PTPRR: variants seen among roughly 807,000 people sequenced by gnomAD.
The protein encoded by PTPRR is protein tyrosine phosphatase receptor type R, also known as receptor-type tyrosine-protein phosphatase R.
A neutral mutation model predicts 77.2 loss-of-function variants in PTPRR; 38 were observed. That is an observed-to-expected ratio of 0.49 (90% CI 0.38 to 0.65). The LOEUF is 0.65. PTPRR is among the 30% of genes least tolerant of loss of function. The pLI is 0.00. For synonymous variants in PTPRR, 299 were observed against 283.1 expected, an observed-to-expected ratio of 1.06 and a Z score of -0.57; for missense variants, 744 against 799.2, an observed-to-expected ratio of 0.93 and a Z score of 0.83.
chr12:70,784,087 G>A (rs1250481420), intron 2 of PTPRR, among the ~76,000 whole-genome samples: 2 of 152,150 alleles, frequency 1.3e-5, no homozygotes, highest in Non-Finnish European at 2.9e-5. Context: ...CTGCAGCTGA[G>A]GGCAGAGGGA....
At chr12:70,806,994 T>C (rs1246371772) in intron 2 of PTPRR, among the ~76,000 whole-genome samples, 1 of 152,176 alleles carries the variant, frequency 6.6e-6, no homozygotes, top group African/African-American at 2.4e-5. Context: ...TACAGCTAGG[T>C]GTGGTCACAT....
At chr12:70,825,303 A>T (rs373069962) in intron 2 of PTPRR, among the ~76,000 whole-genome samples, 217 of 152,234 alleles carry the variant, frequency 1.4e-3, no homozygotes, top group Middle Eastern at 6.8e-3. Flanking sequence ...AAAAAATAAA[A>T]AAATAAATAA....
At chr12:70,864,644 C>T (rs774393324) in intron 2 of PTPRR, among the ~76,000 whole-genome samples, 10 of 152,228 alleles carry the variant, frequency 6.6e-5, no homozygotes, top group Admixed American at 3.9e-4. Flanking sequence ...ATAAAGATGA[C>T]GATATGGTTT....
chr12:70,672,182 C>T (rs1313326180), intron 10 of PTPRR: 3 of 1,547,378 alleles, frequency 1.9e-6, no homozygotes, highest in Non-Finnish European at 2.7e-6. Context: ...TGCCCAGTTG[C>T]CAGTCCTACC....
At chr12:70,690,189 A>G (rs911858047) in intron 8 of PTPRR, among the ~76,000 whole-genome samples, 2 of 152,254 alleles carry the variant, frequency 1.3e-5, no homozygotes, top group Non-Finnish European at 1.5e-5. Context: ...CAAAGCTGCC[A>G]TATCAACCCT....
intron 13 of PTPRR, among the ~76,000 whole-genome samples, chr12:70,643,827 C>G (rs1332996567): frequency 6.6e-6 from 1 of 151,688 alleles, no homozygotes; most frequent in Non-Finnish European, 1.5e-5. Flanking sequence ...CTGGCTGGAT[C>G]GTGGCTCACT....
intron 3 of PTPRR, among the ~76,000 whole-genome samples, chr12:70,764,354 T>C (rs10506609): frequency 0.38 from 58,161 of 151,906 alleles, 13,838 homozygotes; most frequent in African/African-American, 0.67. Context: ...CTCTTTCATA[T>C]TTACCACAGG....
intron 13 of PTPRR, among the ~76,000 whole-genome samples, chr12:70,640,199 C>G (rs868476062): frequency 1.3e-5 from 2 of 151,926 alleles, no homozygotes; most frequent in African/African-American, 4.8e-5. Context: ...TTTGAGAAAA[C>G]GTCTCCTTAA....
At chr12:70,769,772 A>G (rs971147713) in intron 2 of PTPRR, among the ~76,000 whole-genome samples, 12 of 152,080 alleles carry the variant, frequency 7.9e-5, no homozygotes, top group African/African-American at 2.7e-4. Flanking sequence ...CTACAAGGCT[A>G]CAGTAAACAA....
intron 2 of PTPRR, 49 bp from the exon 3 acceptor site, chr12:70,764,827 T>C (rs1890777313): frequency 2.2e-6 from 3 of 1,344,422 alleles, no homozygotes; most frequent in South Asian, 1.2e-5. Flanking sequence ...TTAATTTGTA[T>C]AGATGTATAG....
intron 2 of PTPRR, among the ~76,000 whole-genome samples, chr12:70,821,363 T>C (rs1892009143): frequency 6.6e-6 from 1 of 151,440 alleles, no homozygotes; most frequent in Non-Finnish European, 1.5e-5. Flanking sequence ...TAGCTGGGAT[T>C]ACAGGCACAC....
At chr12:70,672,860 G>A (rs755729607) in intron 10 of PTPRR, 42 of 1,559,084 alleles carry the variant, frequency 2.7e-5, no homozygotes, top group Admixed American at 1.0e-4. Context: ...AAGGTGGTGT[G>A]ATGGCTCCTG....
At chr12:70,839,534 T>C (rs899250319) in intron 2 of PTPRR, among the ~76,000 whole-genome samples, 4 of 152,218 alleles carry the variant, frequency 2.6e-5, no homozygotes, top group Non-Finnish European at 5.9e-5. Context: ...TGTAATTGTG[T>C]CAGCATTGGT....
intron 5 of PTPRR, among the ~76,000 whole-genome samples, chr12:70,750,492 G>T (rs1229324141): frequency 6.6e-6 from 1 of 152,090 alleles, no homozygotes; most frequent in Non-Finnish European, 1.5e-5. Flanking sequence ...AGAAATGCAC[G>T]TGAAACACTT....
At chr12:70,896,179 T>C (rs951683961) in intron 1 of PTPRR, among the ~76,000 whole-genome samples, 18 of 151,612 alleles carry the variant, frequency 1.2e-4, no homozygotes, top group African/African-American at 4.1e-4. Flanking sequence ...TACATAAGAA[T>C]ACATAATATT....
At chr12:70,830,677 AAC>A (rs1252945527) in intron 2 of PTPRR, among the ~76,000 whole-genome samples, 1 of 152,214 alleles carries the variant, frequency 6.6e-6, no homozygotes, top group Non-Finnish European at 1.5e-5. Context: ...CTGCATCGGA[AAC>A]ACAGTCACCT....
chr12:70,837,648 G>A (rs547232308), intron 2 of PTPRR, among the ~76,000 whole-genome samples: 1 of 152,100 alleles, frequency 6.6e-6, no homozygotes, highest in African/African-American at 2.4e-5. Context: ...GCCCTCTCTG[G>A]GTATGCCACC....
intron 2 of PTPRR, among the ~76,000 whole-genome samples, chr12:70,824,070 T>C (rs1043904129): frequency 6.6e-6 from 1 of 152,180 alleles, no homozygotes; most frequent in African/African-American, 2.4e-5. Context: ...ATTGATACAC[T>C]ACTCTGGGCC....
Position 70,897,677 on chromosome 12 carries a change from AT to A in PTPRR, c.59-4701del, listed in dbSNP as rs1177382059. On this transcript the variant is annotated intron_variant, in intron 1 of 13. Coordinates refer to ENST00000283228, the MANE Select transcript of PTPRR (RefSeq NM_002849.4). ...TGGGTATGTACCCAAAGGATTATAA[AT>A]CGTGCTGCTATAAAGACACATGCAC... 1.2e-4 allele frequency among the ~76,000 whole-genome samples: 18 copies of A among 152,170 alleles called. No individual in the cohort carries two copies. In the East Asian group the frequency reaches 3.3e-3, roughly 28 times the overall value.
Sources: gnomAD v4.1 joint callset for allele counts (sites outside exome capture counted in the v4.1 genomes callset) on GRCh38, gnomAD v4.1.1 for gene constraint, MANE v1.5 for transcripts, NCBI Gene and HGNC (gene_info 2026-07-23, HGNC 2026-07-21) for gene names.